GMDS: variants seen among roughly 807,000 people sequenced by gnomAD.
GMDS encodes GDP-mannose 4,6 dehydratase.
Under a neutral mutation model 49.9 loss-of-function variants are expected in GMDS, and 20 were observed. The observed-to-expected ratio is 0.40, with a 90% confidence interval of 0.28 to 0.58. The LOEUF (loss-of-function observed/expected upper bound fraction) is 0.58, where lower values mean the gene tolerates loss of function less well. GMDS is among the 20% of genes least tolerant of loss of function. GMDS has a pLI of 0.42. For synonymous variants in GMDS, 177 were observed against 178.6 expected, an observed-to-expected ratio of 0.99 and a Z score of 0.07; for missense variants, 362 against 481.4, an observed-to-expected ratio of 0.75 and a Z score of 2.32.
At chr6:2,187,880 C>T (rs1778848608) in intron 1 of GMDS, among the ~76,000 whole-genome samples, 1 of 152,218 alleles carries the variant, frequency 6.6e-6, no homozygotes, top group Non-Finnish European at 1.5e-5. Flanking sequence ...ATTCAAACCA[C>T]CACTCTCGTT....
intron 9 of GMDS, among the ~76,000 whole-genome samples, chr6:1,708,094 C>T (rs1765803598): frequency 6.6e-6 from 1 of 152,104 alleles, no homozygotes. Flanking sequence ...ATTTTAATGG[C>T]ATAGAAAGGA....
chr6:1,937,817 T>G (rs965788310), intron 6 of GMDS, among the ~76,000 whole-genome samples: 2 of 152,160 alleles, frequency 1.3e-5, no homozygotes, highest in African/African-American at 2.4e-5. Context: ...CAGGTTCAGA[T>G]ATTAGGATGT....
chr6:1,668,215 A>T (rs1264057715), intron 9 of GMDS, among the ~76,000 whole-genome samples: 1 of 152,198 alleles, frequency 6.6e-6, no homozygotes, highest in Non-Finnish European at 1.5e-5. Flanking sequence ...TTATTCAGTT[A>T]CTTTGTGGCT....
chr6:1,966,858 A>C (rs1290278355), intron 4 of GMDS, among the ~76,000 whole-genome samples: 1 of 152,182 alleles, frequency 6.6e-6, no homozygotes, highest in African/African-American at 2.4e-5. Context: ...AGTTCACTGA[A>C]ATTTAACCAG....
At chr6:1,984,313 A>G (rs2127351196) in intron 4 of GMDS, among the ~76,000 whole-genome samples, 1 of 152,270 alleles carries the variant, frequency 6.6e-6, no homozygotes, top group African/African-American at 2.4e-5. Flanking sequence ...TCTGCAGACA[A>G]CCACCATGGC....
intron 6 of GMDS, among the ~76,000 whole-genome samples, chr6:1,939,800 G>T (rs912479179): frequency 1.3e-5 from 2 of 152,136 alleles, no homozygotes; most frequent in Non-Finnish European, 2.9e-5. Flanking sequence ...ATTTATTAAA[G>T]AATTTGATTG....
chr6:1,709,032 G>A (rs1422096929), intron 9 of GMDS, among the ~76,000 whole-genome samples: 2 of 152,202 alleles, frequency 1.3e-5, no homozygotes, highest in Non-Finnish European at 2.9e-5. Context: ...TCCCCTGATT[G>A]CCGAGAACCG....
At chr6:1,911,821 C>T (rs552987366) in intron 7 of GMDS, among the ~76,000 whole-genome samples, 2 of 152,210 alleles carry the variant, frequency 1.3e-5, no homozygotes, top group African/African-American at 2.4e-5. Context: ...ATGAGCATTC[C>T]CTTCAACTTT....
At chr6:1,889,455 T>G (rs1250821479) in intron 7 of GMDS, among the ~76,000 whole-genome samples, 1 of 152,114 alleles carries the variant, frequency 6.6e-6, no homozygotes, top group Non-Finnish European at 1.5e-5. Context: ...TTCACTGCTC[T>G]CCCTCCCTCC....
intron 4 of GMDS, among the ~76,000 whole-genome samples, chr6:2,051,010 T>C (rs1770360248): frequency 6.6e-6 from 1 of 151,936 alleles, no homozygotes; most frequent in South Asian, 2.1e-4. Context: ...CTAATGTAAA[T>C]AATGAGTTGA....
At chr6:1,890,127 C>T (rs1759803394) in intron 7 of GMDS, among the ~76,000 whole-genome samples, 1 of 151,620 alleles carries the variant, frequency 6.6e-6, no homozygotes, top group Non-Finnish European at 1.5e-5. Context: ...AAATATGTGC[C>T]TTTCTTGAAC....
intron 9 of GMDS, among the ~76,000 whole-genome samples, chr6:1,692,827 C>T (rs1324460242): frequency 6.6e-6 from 1 of 152,200 alleles, no homozygotes; most frequent in African/African-American, 2.4e-5. Context: ...ATCTCTACTG[C>T]TAATTCTAAC....
At chr6:1,733,293 T>C (rs1766886643) in intron 8 of GMDS, among the ~76,000 whole-genome samples, 1 of 152,148 alleles carries the variant, frequency 6.6e-6, no homozygotes, top group Admixed American at 6.5e-5. Flanking sequence ...ACTGCCAAAC[T>C]GTGATGATGG....
chr6:1,942,214 G>T (rs1053542027), intron 6 of GMDS, among the ~76,000 whole-genome samples: 2 of 152,140 alleles, frequency 1.3e-5, no homozygotes, highest in African/African-American at 4.8e-5. Flanking sequence ...CCAGTAGCCC[G>T]GGAGTCCTCT....
intron 7 of GMDS, among the ~76,000 whole-genome samples, chr6:1,746,516 C>T (rs1447395031): frequency 1.3e-5 from 2 of 152,086 alleles, no homozygotes; most frequent in East Asian, 1.9e-4. Context: ...ATTCATTTTG[C>T]TTTTAAGCAA....
At chr6:2,092,528 T>G (rs1003986109) in intron 4 of GMDS, among the ~76,000 whole-genome samples, 1 of 152,244 alleles carries the variant, frequency 6.6e-6, no homozygotes, top group African/African-American at 2.4e-5. Context: ...ATGTGTTGTG[T>G]CTGGCATAAT....
chr6:1,723,740 G>T (rs1055588772), intron 9 of GMDS, among the ~76,000 whole-genome samples: 13 of 152,114 alleles, frequency 8.5e-5, no homozygotes, highest in African/African-American at 3.1e-4. Flanking sequence ...AGAAGAATAA[G>T]AAGCCTTTGG....
At chr6:1,710,220 G>A (rs1380047547) in intron 9 of GMDS, among the ~76,000 whole-genome samples, 1 of 152,146 alleles carries the variant, frequency 6.6e-6, no homozygotes, top group Non-Finnish European at 1.5e-5. Context: ...TAAATGCTCT[G>A]CTTTTTATTA....
intron 7 of GMDS, among the ~76,000 whole-genome samples, chr6:1,744,580 T>C (rs1767409026): frequency 3.9e-5 from 2 of 51,106 alleles, no homozygotes; most frequent in Non-Finnish European, 9.5e-5. Context: ...CCCTGAACAC[T>C]GTTAAACACT....
Sources: allele counts gnomAD v4.1 joint callset (sites outside exome capture counted in the v4.1 genomes callset), GRCh38; gene constraint gnomAD v4.1.1; transcripts MANE v1.5; gene names NCBI Gene and HGNC (gene_info 2026-07-23, HGNC 2026-07-21).